DCDC1: variants seen among roughly 807,000 people sequenced by gnomAD.
The protein encoded by DCDC1 is doublecortin domain-containing protein 1.
In DCDC1, 200 loss-of-function variants were observed where a neutral mutation model predicts 178.3. That is an observed-to-expected ratio of 1.12 (90% CI 1.00 to 1.26). The LOEUF (loss-of-function observed/expected upper bound fraction) is 1.26, where lower values mean the gene tolerates loss of function less well. DCDC1 is among the 50% of genes most tolerant of loss of function. The pLI, the probability that DCDC1 is intolerant of heterozygous loss-of-function variation, is 0.00. For synonymous variants in DCDC1, 690 were observed against 604.8 expected (o/e 1.14, Z -2.07); for missense variants, 1,983 against 1,749.2 (o/e 1.13, Z -2.38).
intron 32 of DCDC1, 81 bp downstream of exon 32, chr11:30,903,401 G>A (rs1006064672): frequency 7.8e-7 from 1 of 1,279,018 alleles, no homozygotes; most frequent in African/African-American, 1.5e-5. Context: ...TGAAAAAACT[G>A]ACTAAATGAA....
At chr11:31,334,520 A>G (rs1385218870) in intron 2 of DCDC1, among the ~76,000 whole-genome samples, 1 of 152,070 alleles carries the variant, frequency 6.6e-6, no homozygotes, top group African/African-American at 2.4e-5. Flanking sequence ...TTGTGGTTTT[A>G]TCTACCTTTG....
At chr11:31,321,618 C>A (rs377683059) in intron 3 of DCDC1, among the ~76,000 whole-genome samples, 1 of 152,106 alleles carries the variant, frequency 6.6e-6, no homozygotes, top group African/African-American at 2.4e-5. Context: ...CCGTCTTCTG[C>A]GTCGCTCACG....
intron 1 of DCDC1, among the ~76,000 whole-genome samples, chr11:31,350,101 T>A (rs1302242281): frequency 6.6e-6 from 1 of 152,098 alleles, no homozygotes; most frequent in Non-Finnish European, 1.5e-5. Flanking sequence ...CTGTTGTGTA[T>A]CTCCAAAATG....
chr11:30,869,140 G>A (rs1468498617), intron 38 of DCDC1, among the ~76,000 whole-genome samples: 2 of 152,210 alleles, frequency 1.3e-5, no homozygotes, highest in East Asian at 1.9e-4. Context: ...ACTCTTTCAG[G>A]CTGTTGGAGT....
At chr11:31,270,547 T>A (rs1945479058) in intron 7 of DCDC1, among the ~76,000 whole-genome samples, 1 of 152,186 alleles carries the variant, frequency 6.6e-6, no homozygotes, top group Non-Finnish European at 1.5e-5. Flanking sequence ...TGAAAACATC[T>A]CCCCTGATCA....
At chr11:30,883,078 TG>T (rs1348939808) in intron 36 of DCDC1, 8 of 152,602 alleles carry the variant, frequency 5.2e-5, no homozygotes, top group Non-Finnish European at 7.3e-5. Flanking sequence ...AATCTAATTT[TG>T]TTCTGTGGAA....
intron 6 of DCDC1, among the ~76,000 whole-genome samples, chr11:31,301,236 A>G (rs1412762038): frequency 6.6e-6 from 1 of 152,188 alleles, no homozygotes; most frequent in Non-Finnish European, 1.5e-5. Context: ...AGTGGAAGTT[A>G]AAATGTACAA....
At chr11:30,903,793 G>A in intron 31 of DCDC1, 110 bp from the exon 32 acceptor site, 2 of 984,866 alleles carry the variant, frequency 2.0e-6, no homozygotes, top group South Asian at 3.1e-5. Flanking sequence ...TTGAATTTGA[G>A]AAAATAGAAA....
At chr11:30,993,835 G>A (rs73467165) in intron 20 of DCDC1, among the ~76,000 whole-genome samples, 85 of 152,220 alleles carry the variant, frequency 5.6e-4, no homozygotes, top group African/African-American at 2.0e-3. Context: ...GAAAAGTACA[G>A]GCTCAAAGAA....
chr11:30,974,947 G>T (rs182201170), intron 20 of DCDC1, among the ~76,000 whole-genome samples: 1 of 152,070 alleles, frequency 6.6e-6, no homozygotes, highest in Non-Finnish European at 1.5e-5. Flanking sequence ...CAATATCCTT[G>T]ATGAATTTAG....
intron 20 of DCDC1, among the ~76,000 whole-genome samples, chr11:31,049,039 A>C (rs1406488311): frequency 6.6e-6 from 1 of 152,250 alleles, no homozygotes; most frequent in African/African-American, 2.4e-5. Flanking sequence ...TGTTTTAAAA[A>C]TGTAAAAGTA....
intron 36 of DCDC1, chr11:30,883,590 A>G (rs1156375630): frequency 3.7e-6 from 1 of 271,030 alleles, no homozygotes. Context: ...TGTGGATTTC[A>G]AGCATGGGAG....
rs1188025370 is a variant in DCDC1 at position 31,306,530 on chromosome 11, ATAG to A, written c.435-145_435-143del. ...ATAAGTATACCTAACAAAACTTTTTATAGGATAAGATTGTTGTTACAGAGTAAC... is the reference window on the plus strand; with the variant it reads ...ATAAGTATACCTAACAAAACTTTTTAGATAAGATTGTTGTTACAGAGTAAC... On this transcript the variant is annotated intron_variant, in intron 4 of 38. Coordinates refer to ENST00000684477, the MANE Select transcript of DCDC1 (RefSeq NM_001387274.1). 1.1e-5 allele frequency: 9 copies of A among 805,974 alleles called. No individual in the cohort carries two copies. The Admixed American group carries it at 3.6e-4, about 33-fold the overall frequency. 49.9% of individuals were successfully genotyped at this position (805,974 alleles called of 1,614,324 possible).
chr11:30,976,202 A>C (rs1950094342), intron 20 of DCDC1, among the ~76,000 whole-genome samples: 1 of 152,146 alleles, frequency 6.6e-6, no homozygotes, highest in African/African-American at 2.4e-5. Context: ...AGATGAATTG[A>C]AAACTTAAAC....
chr11:31,095,357 G>C (rs992116701), intron 15 of DCDC1, among the ~76,000 whole-genome samples: 1 of 152,080 alleles, frequency 6.6e-6, no homozygotes, highest in Admixed American at 6.6e-5. Flanking sequence ...TTGAGGAATC[G>C]CCACACTGTC....
chr11:31,189,557 T>C (rs1969903623), intron 9 of DCDC1, among the ~76,000 whole-genome samples: 1 of 152,166 alleles, frequency 6.6e-6, no homozygotes, highest in African/African-American at 2.4e-5. Context: ...ATCAGAAGTT[T>C]AAAATGGGTT....
chr11:31,333,068 T>C (rs1311715467), intron 2 of DCDC1, among the ~76,000 whole-genome samples: 1 of 152,236 alleles, frequency 6.6e-6, no homozygotes, highest in Non-Finnish European at 1.5e-5. Flanking sequence ...GGTGCTCCTG[T>C]ATTGGGTGCA....
rs139954248 is a variant in DCDC1 at position 30,929,900 on chromosome 11, A to G, written c.2897+1871T>C. 9.2e-3 allele frequency among the ~76,000 whole-genome samples: 1,399 copies of G among 152,184 alleles called. 21 individuals carry two copies. The highest frequency in any genetic ancestry group is 0.032 in the African/African-American group (1,321 of 41,530). ...AGTAATAACCGACTAAGTAATGAACAAATACTATTTGATTTTCCTTAGGCT... is the reference window on the plus strand; with the variant it reads ...AGTAATAACCGACTAAGTAATGAACGAATACTATTTGATTTTCCTTAGGCT... On this transcript the variant is annotated intron_variant, in intron 22 of 38. Coordinates refer to ENST00000684477, the MANE Select transcript of DCDC1 (RefSeq NM_001387274.1).
At chr11:30,937,126 G>A (rs901770345) in intron 21 of DCDC1, among the ~76,000 whole-genome samples, 2 of 152,090 alleles carry the variant, frequency 1.3e-5, no homozygotes, top group Admixed American at 1.3e-4. Context: ...CAGGAGGTTA[G>A]TTCTTGCTTC....
Sources: allele counts gnomAD v4.1 joint callset (sites outside exome capture counted in the v4.1 genomes callset), GRCh38; gene constraint gnomAD v4.1.1; transcripts MANE v1.5; gene names NCBI Gene and HGNC (gene_info 2026-07-23, HGNC 2026-07-21).